SEMA6D: variants seen among roughly 807,000 people sequenced by gnomAD.
The protein encoded by SEMA6D is semaphorin-6D.
Under a neutral mutation model 106.6 loss-of-function variants are expected in SEMA6D, and 35 were observed. The observed-to-expected ratio is 0.33, with a 90% confidence interval of 0.25 to 0.44. The LOEUF is 0.44. Ranked by LOEUF, SEMA6D falls within the 20% of genes least tolerant of loss-of-function variation. The probability of loss-of-function intolerance (pLI) is 1.00; values close to 1 mark genes in which losing one functional copy is unlikely to be tolerated. For missense variants in SEMA6D, 1,185 were observed against 1,345.9 expected (o/e 0.88, Z 1.87); for synonymous variants, 499 against 487.7 (o/e 1.02, Z -0.31).
chr15:47,588,987 C>A (rs529211748), intron 3 of SEMA6D, among the ~76,000 whole-genome samples: 2 of 152,152 alleles, frequency 1.3e-5, no homozygotes, highest in Admixed American at 6.5e-5. Flanking sequence ...TGCTAAACAT[C>A]GTACGGTGCA....
intron 4 of SEMA6D, among the ~76,000 whole-genome samples, chr15:47,613,171 A>G (rs1486100723): frequency 1.3e-5 from 2 of 152,166 alleles, no homozygotes; most frequent in Non-Finnish European, 2.9e-5. Flanking sequence ...CTCTACCCCC[A>G]CACATACACC....
At chr15:47,386,269 A>G (rs1314864948) in intron 1 of SEMA6D, among the ~76,000 whole-genome samples, 1 of 152,138 alleles carries the variant, frequency 6.6e-6, no homozygotes, top group Non-Finnish European at 1.5e-5. Context: ...AACTGGGGGT[A>G]GGGACTTGGG....
At chr15:47,628,345 C>T (rs917518688) in intron 4 of SEMA6D, among the ~76,000 whole-genome samples, 1 of 152,012 alleles carries the variant, frequency 6.6e-6, no homozygotes, top group African/African-American at 2.4e-5. Flanking sequence ...AGTTGTTTTA[C>T]AAAAGAATAG....
rs559181120 is a variant in SEMA6D, at chr15:47,204,111, T to A, written c.-239+19693T>A. Among the ~76,000 whole-genome samples the A allele has an allele frequency of 2.6e-5, 4 of 152,272 alleles. No individual in the cohort carries two copies. The South Asian group carries it at 6.2e-4, about 24-fold the overall frequency. ...AATTATTACAACAATTCAGTTTCTA[T>A]TCTTATAGGTGGCCATTCAAGGTGA... On this transcript the variant is annotated intron_variant, in intron 1 of 19. Transcript: ENST00000558014.
intron 1 of SEMA6D, among the ~76,000 whole-genome samples, chr15:47,227,647 G>A (rs918626806): frequency 2.4e-4 from 36 of 149,424 alleles, no homozygotes; most frequent in African/African-American, 7.8e-4. Context: ...CCAGCAGTGC[G>A]TGTGTAAAAG....
chr15:47,255,805 A>G (rs984086666), intron 1 of SEMA6D, among the ~76,000 whole-genome samples: 1 of 152,168 alleles, frequency 6.6e-6, no homozygotes, highest in Non-Finnish European at 1.5e-5. Context: ...CTTATCTCTA[A>G]AAGTGTTATA....
At chr15:47,268,403 C>T (rs2034417146) in intron 1 of SEMA6D, among the ~76,000 whole-genome samples, 1 of 152,082 alleles carries the variant, frequency 6.6e-6, no homozygotes, top group South Asian at 2.1e-4. Flanking sequence ...TTCTACCCTC[C>T]TTTGTGCACA....
intron 1 of SEMA6D, among the ~76,000 whole-genome samples, chr15:47,293,254 C>T (rs563172746): frequency 6.6e-6 from 1 of 152,298 alleles, no homozygotes; most frequent in South Asian, 2.1e-4. Flanking sequence ...GTGTATCTTG[C>T]TTCCACTGGA....
At chr15:47,328,130 A>G (rs1320022248) in intron 1 of SEMA6D, among the ~76,000 whole-genome samples, 1 of 152,186 alleles carries the variant, frequency 6.6e-6, no homozygotes, top group Non-Finnish European at 1.5e-5. Flanking sequence ...ACAAATTGTT[A>G]AAATCTGGTA....
intron 3 of SEMA6D, among the ~76,000 whole-genome samples, chr15:47,536,024 G>A (rs1399324147): frequency 6.6e-6 from 1 of 152,174 alleles, no homozygotes; most frequent in African/African-American, 2.4e-5. Context: ...TATGCTGTAG[G>A]ATTTGGATTT....
At chr15:47,253,946 A>C (rs1662795663) in intron 1 of SEMA6D, among the ~76,000 whole-genome samples, 1 of 152,136 alleles carries the variant, frequency 6.6e-6, no homozygotes, top group African/African-American at 2.4e-5. Flanking sequence ...TTTGGGTAGT[A>C]TGGACATTTT....
intron 1 of SEMA6D, among the ~76,000 whole-genome samples, chr15:47,402,925 T>A (rs2040444558): frequency 6.6e-6 from 1 of 152,164 alleles, no homozygotes; most frequent in Non-Finnish European, 1.5e-5. Context: ...GAGTAATGGA[T>A]ATTCCAGAGG....
In SEMA6D at chr15:47,558,010, A is replaced by G. The variant is rs144957799; in HGVS notation, c.-86-42855A>G. 3.9e-3 allele frequency among the ~76,000 whole-genome samples: 600 copies of G among 152,230 alleles called. 5 individuals are homozygous for G. The highest frequency in any genetic ancestry group is 6.4e-3 in the Non-Finnish European group (437 of 67,994). Reference sequence around the variant, plus strand: ...CTTTACTCTGCATCCTTGAGTTTGGAAGAATGATCAAAACCGTGTAAAGCA... The same window carrying G: ...CTTTACTCTGCATCCTTGAGTTTGGGAGAATGATCAAAACCGTGTAAAGCA... On this transcript the variant is annotated intron_variant, in intron 3 of 19. Coordinates refer to the SEMA6D transcript ENST00000558014.
intron 1 of SEMA6D, among the ~76,000 whole-genome samples, chr15:47,291,526 C>T (rs950908917): frequency 2.0e-5 from 3 of 152,140 alleles, no homozygotes; most frequent in African/African-American, 7.2e-5. Flanking sequence ...ACTCTCTTCC[C>T]TTCCTAACCA....
intron 3 of SEMA6D, among the ~76,000 whole-genome samples, chr15:47,504,656 C>T (rs1325577252): frequency 1.3e-5 from 2 of 152,128 alleles, no homozygotes; most frequent in Non-Finnish European, 2.9e-5. Flanking sequence ...TGCCACAAAA[C>T]GGGTGCCTTA....
chr15:47,260,816 C>T (rs960717312), intron 1 of SEMA6D, among the ~76,000 whole-genome samples: 6 of 152,072 alleles, frequency 3.9e-5, no homozygotes, highest in Non-Finnish European at 7.4e-5. Flanking sequence ...TAGCAAGACT[C>T]CTGATTGATC....
At chr15:47,653,314 G>C (rs138885886) in intron 4 of SEMA6D, among the ~76,000 whole-genome samples, 18 of 152,272 alleles carry the variant, frequency 1.2e-4, no homozygotes, top group African/African-American at 4.3e-4. Context: ...AAAGAAACTT[G>C]ACTCTGCGGG....
intron 1 of SEMA6D, among the ~76,000 whole-genome samples, chr15:47,279,616 G>A (rs934565579): frequency 6.6e-6 from 1 of 150,962 alleles, no homozygotes; most frequent in African/African-American, 2.4e-5. Context: ...GTTTTCAAAG[G>A]GAATGCTTTC....
chr15:47,749,673 C>G (rs1340398213), intron 1 of SEMA6D, among the ~76,000 whole-genome samples: 1 of 152,136 alleles, frequency 6.6e-6, no homozygotes, highest in Non-Finnish European at 1.5e-5. Flanking sequence ...TTTAAAATGC[C>G]TATATTTTAC....
Sources: allele counts gnomAD v4.1 joint callset (sites outside exome capture counted in the v4.1 genomes callset), GRCh38; gene constraint gnomAD v4.1.1; transcripts MANE v1.5; gene names NCBI Gene and HGNC (gene_info 2026-07-23, HGNC 2026-07-21).